Variants in MTMR14 observed in about 807,000 individuals in gnomAD.
The protein encoded by MTMR14 is myotubularin related protein 14, also known as phosphatidylinositol-3,5-bisphosphate 3-phosphatase MTMR14.
MTMR14 carries 48 observed loss-of-function variants against 86.3 expected under a neutral mutation model. The ratio of observed to expected loss-of-function variants is 0.56; its 90% CI spans 0.44 to 0.71. MTMR14 has a LOEUF of 0.71. MTMR14 is among the 30% of genes least tolerant of loss of function. The pLI is 0.00. For missense variants in MTMR14, 780 were observed against 834.6 expected (o/e 0.93, Z 0.81); for synonymous variants, 366 against 326.1 (o/e 1.12, Z -1.32).
At position 9,652,344 on chromosome 3, in the gene MTMR14, G is replaced by A. The variant is rs373676026; in HGVS notation, c.160-1277G>A. Among the ~76,000 whole-genome samples the A allele has an allele frequency of 1.6e-4, 24 of 152,280 alleles. No individual in the cohort carries two copies. In the East Asian group the frequency reaches 4.2e-3, roughly 27 times the overall value. On this transcript the variant is annotated intron_variant, in intron 1 of 18. Transcript: ENST00000296003. Reference sequence around the variant, plus strand: ...TTTCTCTGAACTGTGATCAAAATAAGTAATTTTAGGGGGAGCTGTTTCTTC... The same window carrying A: ...TTTCTCTGAACTGTGATCAAAATAAATAATTTTAGGGGGAGCTGTTTCTTC...
chr3:9,652,013 A>G (rs1364213205), intron 1 of MTMR14, among the ~76,000 whole-genome samples: 1 of 151,896 alleles, frequency 6.6e-6, no homozygotes, highest in East Asian at 1.9e-4. Flanking sequence ...TATATTTTTA[A>G]TAGAGATGGG....
chr3:9,676,079 A>G (rs886493924), intron 7 of MTMR14, among the ~76,000 whole-genome samples: 3 of 152,222 alleles, frequency 2.0e-5, no homozygotes, highest in African/African-American at 4.8e-5. Context: ...GGCCTCAGAC[A>G]GGAACTTGGC....
intron 6 of MTMR14, among the ~76,000 whole-genome samples, chr3:9,671,599 C>T (rs907948703): frequency 6.7e-6 from 1 of 149,946 alleles, no homozygotes; most frequent in African/African-American, 2.5e-5. Context: ...AGTCCTCCTG[C>T]CTCAGCTTCC....
chr3:9,692,015 G>A (rs532740628), intron 17 of MTMR14, among the ~76,000 whole-genome samples: 2 of 152,268 alleles, frequency 1.3e-5, no homozygotes, highest in East Asian at 3.9e-4. Flanking sequence ...CAGATTTGGA[G>A]CATTCTAATT....
At chr3:9,651,329 C>G (rs2047275414) in intron 1 of MTMR14, among the ~76,000 whole-genome samples, 1 of 152,006 alleles carries the variant, frequency 6.6e-6, no homozygotes, top group African/African-American at 2.4e-5. Flanking sequence ...TCTCAAACTC[C>G]TAAGCTCAAG....
Position 9,701,898 on chromosome 3 carries a change from C to A in MTMR14, c.1878C>A (p.Ser626=). ...TTCGGGCAGTAGCCCCCAGTCCTTC[C>A]GGTGCCATCGGGGGCCTGCTGGAGC... ...VGLRAVAPSP[S]GAIGGLLEQF... The change falls in exon 19 of 19, where the codon TCC becomes TCA. Residue 626 remains serine, a synonymous_variant. Coordinates refer to ENST00000296003, the MANE Select transcript of MTMR14 (RefSeq NM_001077525.3). The surrounding 1 kb of genome is among the most constrained non-coding windows in gnomAD (Gnocchi z 4.2). 1.9e-6 allele frequency: 3 copies of A among 1,614,216 alleles called. No homozygotes were observed. The highest frequency in any genetic ancestry group is 2.5e-6 in the Non-Finnish European group (3 of 1,180,046).
At chr3:9,691,046 CCCCTCTATGGTTTTT>C (rs1394425960) in intron 17 of MTMR14, among the ~76,000 whole-genome samples, 1 of 152,204 alleles carries the variant, frequency 6.6e-6, no homozygotes, top group Non-Finnish European at 1.5e-5. Flanking sequence ...CCTCCCATCA[CCCCTCTATGGTTTTT>C]CCCTCTGGGC....
At chr3:9,685,280 C>T in intron 13 of MTMR14, 33 bp downstream of exon 13, 4 of 1,613,512 alleles carry the variant, frequency 2.5e-6, no homozygotes, top group Non-Finnish European at 3.4e-6. Context: ...GTGGGCACAG[C>T]TCAGCACTGA....
At chr3:9,654,956 C>A (rs2047511514) in intron 2 of MTMR14, among the ~76,000 whole-genome samples, 1 of 152,156 alleles carries the variant, frequency 6.6e-6, no homozygotes, top group Admixed American at 6.5e-5. Context: ...CAGGAGTTTC[C>A]CTGAAAATGT....
chr3:9,674,247 A>G (rs1480143882), intron 7 of MTMR14, among the ~76,000 whole-genome samples: 1 of 152,246 alleles, frequency 6.6e-6, no homozygotes, highest in Non-Finnish European at 1.5e-5. Context: ...GCTCCAAAAT[A>G]GTAGCACAGT....
rs1011983863 is a variant in MTMR14, at chr3:9,690,029, G to A, written c.1499G>A (p.Arg500His). 8 of 1,612,432 alleles carry A rather than the reference G, an allele frequency of 5.0e-6. No homozygotes were observed. Among genetic ancestry groups the A allele is most frequent in the Non-Finnish European group, 6.8e-6 (8 of 1,179,902 alleles). Residue 500 changes from arginine to histidine, a missense_variant, in exon 17 of 19, where the codon CGC becomes CAC. Transcript: ENST00000296003. ...LWNRPQPSED[R>H]LPSQQGLAEA... ...AACCGGCCACAACCCTCAGAGGACCGCTTGCCTTCCCAGCAGGGGCTGGCG... is the reference window on the plus strand; with the variant it reads ...AACCGGCCACAACCCTCAGAGGACCACTTGCCTTCCCAGCAGGGGCTGGCG...
rs1359207461 is a variant in MTMR14, at chr3:9,699,189, T to C, written c.1769+1323T>C. ...CTCTCTCAAAAAAAAAAAAAAAAAA[T>C]TGCACCTTTCTGTAAAGACTTCCTA... is the stretch of plus-strand genomic sequence containing the variant. On this transcript the variant is annotated intron_variant, in intron 18 of 18. Transcript: ENST00000296003. 2.1e-5 allele frequency among the ~76,000 whole-genome samples: 3 copies of C among 145,716 alleles called. No individual in the cohort carries two copies. The East Asian group carries it at 5.9e-4, about 29-fold the overall frequency.
intron 2 of MTMR14, among the ~76,000 whole-genome samples, chr3:9,654,326 G>C (rs2047474368): frequency 6.6e-6 from 1 of 152,200 alleles, no homozygotes; most frequent in Admixed American, 6.5e-5. Context: ...GAAAGTGGTA[G>C]TGCAGTCCAG....
chr3:9,668,799 A>G lies in MTMR14; in HGVS notation c.493+5A>G. ...GCTACAACTATTTTTTCTCAGGTGA[A>G]TGTTGAACAGCATCCTCTGATGTAG... On this transcript the variant is annotated splice_donor_5th_base_variant and intron_variant, in intron 4 of 18. Coordinates refer to ENST00000296003, the MANE Select transcript of MTMR14 (RefSeq NM_001077525.3). 3 of 1,613,972 alleles carry G rather than the reference A, an allele frequency of 1.9e-6. No individual in the cohort carries two copies. The highest frequency in any genetic ancestry group is 2.5e-6 in the Non-Finnish European group (3 of 1,179,882).
At chr3:9,682,846 C>G (rs2075811541) in intron 9 of MTMR14, among the ~76,000 whole-genome samples, 1 of 152,126 alleles carries the variant, frequency 6.6e-6, no homozygotes, top group African/African-American at 2.4e-5. Context: ...GAGCCCAGCA[C>G]TTAGAGGACC....
intron 9 of MTMR14, 111 bp from the exon 10 acceptor site, chr3:9,683,067 A>G (rs1029104060): frequency 6.3e-6 from 6 of 953,392 alleles, no homozygotes; most frequent in Non-Finnish European, 8.1e-6. Flanking sequence ...GTCTGTAACC[A>G]AGGACCTTGT....
chr3:9,695,982 G>A (rs76813754), intron 17 of MTMR14, among the ~76,000 whole-genome samples: 9,614 of 152,198 alleles, frequency 0.063, 429 homozygotes, highest in South Asian at 0.13. Flanking sequence ...CTGCTCTGTC[G>A]GGCCCTAGGG....
At chr3:9,695,160 T>C (rs1259670576) in intron 17 of MTMR14, among the ~76,000 whole-genome samples, 1 of 152,144 alleles carries the variant, frequency 6.6e-6, no homozygotes, top group Non-Finnish European at 1.5e-5. Flanking sequence ...ACTGGAAGGC[T>C]TTTCCTCCCT....
chr3:9,665,494 G>A (rs1372709435), intron 3 of MTMR14, among the ~76,000 whole-genome samples: 1 of 152,028 alleles, frequency 6.6e-6, no homozygotes, highest in Non-Finnish European at 1.5e-5. Context: ...AAGAGGAGGA[G>A]GAGGCAAGGG....
Sources: gnomAD v4.1 joint callset for allele counts (sites outside exome capture counted in the v4.1 genomes callset) on GRCh38, gnomAD v4.1.1 for gene constraint, Gnocchi (gnomAD v3.1) non-coding constraint, MANE v1.5 for transcripts, NCBI Gene and HGNC (gene_info 2026-07-23, HGNC 2026-07-21) for gene names.